The following DISC1 variants were observed in gnomAD, a reference collection of about 807,000 sequenced individuals.
DISC1 encodes DISC1 scaffold protein.
DISC1 carries 57 observed loss-of-function variants against 84.5 expected under a neutral mutation model. That is an observed-to-expected ratio of 0.67 (90% CI 0.55 to 0.84). The LOEUF is 0.84. Among genes scored for constraint, DISC1 ranks in the 40% least tolerant of loss-of-function variants. The pLI, the probability that DISC1 is intolerant of heterozygous loss-of-function variation, is 0.00. For missense variants in DISC1, 1,000 were observed against 1,057.8 expected, an observed-to-expected ratio of 0.95 and a Z score of 0.76; for synonymous variants, 411 against 415.2, an observed-to-expected ratio of 0.99 and a Z score of 0.12.
At chr1:232,002,461 A>G (rs1666812621) in intron 10 of DISC1, among the ~76,000 whole-genome samples, 1 of 152,150 alleles carries the variant, frequency 6.6e-6, no homozygotes, top group Non-Finnish European at 1.5e-5. Flanking sequence ...ATATCCCCAC[A>G]CTAGGAGTAT....
chr1:231,832,000 T>C (rs868529904), intron 9 of DISC1, among the ~76,000 whole-genome samples: 44,064 of 142,512 alleles, frequency 0.31, 6,906 homozygotes, highest in Admixed American at 0.37. Flanking sequence ...AAGAAGGAAA[T>C]ATGGGGAAAT....
intron 11 of DISC1, among the ~76,000 whole-genome samples, chr1:232,018,821 C>T (rs1668704566): frequency 6.6e-6 from 1 of 152,164 alleles, no homozygotes. Flanking sequence ...TGGAGAGCCC[C>T]AGGACCCCAT....
chr1:231,904,720 A>G (rs144387385), intron 9 of DISC1, among the ~76,000 whole-genome samples: 11 of 152,172 alleles, frequency 7.2e-5, no homozygotes, highest in African/African-American at 2.6e-4. Context: ...CATTTCCACT[A>G]AGAGGAACCA....
intron 1 of DISC1, among the ~76,000 whole-genome samples, chr1:231,682,471 T>C (rs1022367922): frequency 6.6e-6 from 1 of 152,156 alleles, no homozygotes; most frequent in African/African-American, 2.4e-5. Context: ...ATAGCACGGT[T>C]AAAGTCATAA....
In DISC1 at chr1:231,693,994, C is replaced by T. The variant is rs138332232; in HGVS notation, c.236C>T (p.Ser79Leu). The T allele has an allele frequency of 3.8e-5, 62 of 1,614,074 alleles. No homozygotes were observed. The African/African-American group carries it at 5.7e-4, about 15-fold the overall frequency. ...GGVSGEESHHSESRARQCGLD... is the reference protein window; with the variant it reads ...GGVSGEESHHLESRARQCGLD... ...GTGTCTGGCGAGGAGTCCCACCACTCGGAGTCCAGGGCCAGACAGTGTGGC... is the reference window on the plus strand; with the variant it reads ...GTGTCTGGCGAGGAGTCCCACCACTTGGAGTCCAGGGCCAGACAGTGTGGC... The change falls in exon 2 of 13, where the codon TCG becomes TTG. Residue 79 changes from serine to leucine, a missense_variant. Physicochemically the swap from Ser to Leu is moderately radical, Grantham distance 145. Transcript: ENST00000439617.
At chr1:231,780,251 AG>A (rs199592125) in intron 6 of DISC1, among the ~76,000 whole-genome samples, 4,813 of 144,660 alleles carry the variant, frequency 0.033, 133 homozygotes, top group Non-Finnish European at 0.044. Flanking sequence ...AAAAAAAAAA[AG>A]AAAAGGAAAG....
intron 9 of DISC1, among the ~76,000 whole-genome samples, chr1:231,894,266 G>A (rs951140165): frequency 3.9e-5 from 6 of 151,972 alleles, no homozygotes; most frequent in African/African-American, 1.5e-4. Flanking sequence ...AATATAGAAA[G>A]GTACAGAAAA....
intron 10 of DISC1, among the ~76,000 whole-genome samples, chr1:231,997,296 A>C (rs1666079993): frequency 6.6e-6 from 1 of 152,120 alleles, no homozygotes; most frequent in Non-Finnish European, 1.5e-5. Context: ...GAAGCAGCAA[A>C]CCTTTCTTAG....
intron 9 of DISC1, among the ~76,000 whole-genome samples, chr1:231,863,310 G>C (rs138790224): frequency 7.3e-6 from 1 of 137,370 alleles, no homozygotes; most frequent in Non-Finnish European, 1.5e-5. Context: ...GGCTCACTGC[G>C]GTCTCTGCCT....
At chr1:232,030,265 G>A (rs1289023257) in intron 12 of DISC1, among the ~76,000 whole-genome samples, 1 of 152,224 alleles carries the variant, frequency 6.6e-6, no homozygotes, top group Middle Eastern at 3.2e-3. Flanking sequence ...TTGACTGTGT[G>A]CAAGGTCTCC....
rs1572590962 is a variant in DISC1, at chr1:232,004,098, A to G, written c.2043-4687A>G. ...CAGACAAAAATTAAGAGCTTTAAAT[A>G]TGCTTATTATAACATTAAAATTTCA... On this transcript the variant is annotated intron_variant, in intron 10 of 12. Transcript: ENST00000439617. Among the ~76,000 whole-genome samples the G allele has an allele frequency of 2.0e-5, 3 of 151,876 alleles. No individual in the cohort carries two copies. The South Asian group carries it at 6.2e-4, about 31-fold the overall frequency.
chr1:231,663,812 C>T (rs1310053086), intron 1 of DISC1, among the ~76,000 whole-genome samples: 1 of 152,110 alleles, frequency 6.6e-6, no homozygotes, highest in African/African-American at 2.4e-5. Context: ...GGCTAATGCT[C>T]CTTTAAGTTT....
chr1:231,803,628 A>G (rs531384812), intron 8 of DISC1, among the ~76,000 whole-genome samples: 1 of 152,214 alleles, frequency 6.6e-6, no homozygotes, highest in East Asian at 1.9e-4. Context: ...AGAGCCAGTG[A>G]TCTGAGGGAG....
chr1:232,028,673 T>C (rs1256806106), intron 12 of DISC1, among the ~76,000 whole-genome samples: 2 of 152,166 alleles, frequency 1.3e-5, no homozygotes, highest in Non-Finnish European at 2.9e-5. Flanking sequence ...AATATAGCCA[T>C]GGGTAAGTGC....
At chr1:231,758,025 C>T (rs973236330) in intron 4 of DISC1, among the ~76,000 whole-genome samples, 1 of 151,894 alleles carries the variant, frequency 6.6e-6, no homozygotes, top group Admixed American at 6.6e-5. Flanking sequence ...ATGCCCCAGC[C>T]TACCCAGCCT....
intron 10 of DISC1, among the ~76,000 whole-genome samples, chr1:231,968,629 G>GC (rs1262664792): frequency 6.8e-6 from 1 of 147,090 alleles, no homozygotes; most frequent in East Asian, 2.0e-4. Flanking sequence ...AAAACAAAAA[G>GC]CCCTCTCACA....
At chr1:231,676,791 A>G (rs1434373723) in intron 1 of DISC1, among the ~76,000 whole-genome samples, 1 of 152,252 alleles carries the variant, frequency 6.6e-6, no homozygotes, top group East Asian at 1.9e-4. Context: ...AGCAAGAGCT[A>G]ACTCCAGTTT....
chr1:231,641,782 A>C (rs1205075119), intron 1 of DISC1, among the ~76,000 whole-genome samples: 4 of 152,192 alleles, frequency 2.6e-5, no homozygotes. Context: ...TGCATTCACA[A>C]ACCCTGAGTT....
At chr1:231,632,244 G>A (rs2058773282) in intron 1 of DISC1, among the ~76,000 whole-genome samples, 1 of 152,180 alleles carries the variant, frequency 6.6e-6, no homozygotes, top group South Asian at 2.1e-4. Flanking sequence ...CTCAGAAAGT[G>A]TCCCTGTCAA....
Sources: allele counts gnomAD v4.1 joint callset (sites outside exome capture counted in the v4.1 genomes callset), GRCh38; gene constraint gnomAD v4.1.1; transcripts MANE v1.5; gene names NCBI Gene and HGNC (gene_info 2026-07-23, HGNC 2026-07-21).